Variants in SNAP25 observed in about 807,000 individuals in gnomAD.
SNAP25 encodes the protein synaptosomal-associated protein 25.
A neutral mutation model predicts 28.7 loss-of-function variants in SNAP25; 3 were observed. The ratio of observed to expected loss-of-function variants is 0.10; its 90% CI spans 0.05 to 0.27. The LOEUF (loss-of-function observed/expected upper bound fraction) is 0.27. SNAP25 is among the 10% of genes least tolerant of loss of function. The probability of loss-of-function intolerance (pLI) is 1.00; values close to 1 mark genes in which losing one functional copy is unlikely to be tolerated. For missense variants in SNAP25, 117 were observed against 278.7 expected, an observed-to-expected ratio of 0.42 and a Z score of 4.13; for synonymous variants, 61 against 88.1, an observed-to-expected ratio of 0.69 and a Z score of 1.72.
At chr20:10,220,720 C>A (rs1021965999) in intron 1 of SNAP25, among the ~76,000 whole-genome samples, 3 of 152,152 alleles carry the variant, frequency 2.0e-5, no homozygotes, top group African/African-American at 7.2e-5. Context: ...AGAGTAACAG[C>A]GTCATATGTA....
chr20:10,238,399 T>C (rs1467796173), intron 1 of SNAP25, among the ~76,000 whole-genome samples: 2 of 152,138 alleles, frequency 1.3e-5, no homozygotes, highest in Non-Finnish European at 2.9e-5. Flanking sequence ...CAGCAAGGAC[T>C]AAGAGAGGGA....
At chr20:10,235,632 C>T (rs1335640463) in intron 1 of SNAP25, among the ~76,000 whole-genome samples, 6 of 152,200 alleles carry the variant, frequency 3.9e-5, no homozygotes, top group Non-Finnish European at 8.8e-5. Flanking sequence ...CACCCCAAAA[C>T]TCAGTGGTTT....
At chr20:10,236,637 A>G (rs2122705828) in intron 1 of SNAP25, among the ~76,000 whole-genome samples, 1 of 152,214 alleles carries the variant, frequency 6.6e-6, no homozygotes, top group Non-Finnish European at 1.5e-5. Flanking sequence ...TGGGAACACA[A>G]GGGAGGAGGC....
At chr20:10,281,719 G>A (rs1024574755) in intron 3 of SNAP25, among the ~76,000 whole-genome samples, 2 of 152,090 alleles carry the variant, frequency 1.3e-5, no homozygotes, top group Non-Finnish European at 1.5e-5. Flanking sequence ...TTTTCTTTGA[G>A]AATTCCACAA....
rs746975766 is a variant in SNAP25 at position 10,296,919 on chromosome 20, G to T, written c.282-6G>T. On this transcript the variant is annotated splice_polypyrimidine_tract_variant and splice_region_variant and intron_variant, in intron 5 of 7. Transcript: ENST00000254976. ...TGCCTTGTCACTCACCCTCTCTTTT[G>T]CATAGGCTTAAATCAAGTGATGCTT... 1 of 1,614,040 alleles carries T rather than the reference G, an allele frequency of 6.2e-7. No individual in the cohort carries two copies. The highest frequency in any genetic ancestry group is 2.2e-5 in the East Asian group (1 of 44,884).
chr20:10,284,005 G>A (rs73896513), intron 3 of SNAP25, among the ~76,000 whole-genome samples: 1,710 of 152,128 alleles, frequency 0.011, 29 homozygotes, highest in African/African-American at 0.037. Flanking sequence ...AGACTTCCCC[G>A]GCACAGAAGA....
intron 1 of SNAP25, among the ~76,000 whole-genome samples, chr20:10,224,523 A>G (rs1312032366): frequency 1.3e-5 from 2 of 151,992 alleles, no homozygotes; most frequent in East Asian, 1.9e-4. Flanking sequence ...CAATGAAATC[A>G]GTGCTGAAAA....
chr20:10,250,697 G>C (rs74687226), intron 1 of SNAP25, among the ~76,000 whole-genome samples: 1,627 of 152,246 alleles, frequency 0.011, 32 homozygotes, highest in African/African-American at 0.037. Context: ...GTGCCAAAAA[G>C]CTTCATGAAA....
rs138005979 is a variant in SNAP25, at chr20:10,288,555, G to A, written c.163+3783G>A. On this transcript the variant is annotated intron_variant, in intron 4 of 7. Transcript: ENST00000254976. Reference sequence around the variant, plus strand: ...CAGAATCACCTATGTACTATTCTCCGAGAAACAAAGCAGAATAGAATGTCT... The same window carrying A: ...CAGAATCACCTATGTACTATTCTCCAAGAAACAAAGCAGAATAGAATGTCT... Among the ~76,000 whole-genome samples the A allele has an allele frequency of 2.6e-5, 4 of 152,094 alleles. No individual in the cohort carries two copies. The East Asian group carries it at 5.8e-4, about 22-fold the overall frequency.
At chr20:10,230,151 A>G (rs1306500325) in intron 1 of SNAP25, among the ~76,000 whole-genome samples, 2 of 152,110 alleles carry the variant, frequency 1.3e-5, no homozygotes, top group Non-Finnish European at 2.9e-5. Context: ...CAAGCTTGCT[A>G]TAGGCAGGCA....
chr20:10,255,859 G>A (rs1245219901), intron 1 of SNAP25, among the ~76,000 whole-genome samples: 2 of 152,116 alleles, frequency 1.3e-5, no homozygotes, highest in Non-Finnish European at 2.9e-5. Context: ...ATAATTATAA[G>A]AATAGAAATA....
chr20:10,231,996 C>T (rs576596631), intron 1 of SNAP25, among the ~76,000 whole-genome samples: 18 of 152,146 alleles, frequency 1.2e-4, no homozygotes, highest in Non-Finnish European at 2.2e-4. Context: ...TTGGCTTAAA[C>T]AATCTAAGCA....
intron 1 of SNAP25, among the ~76,000 whole-genome samples, chr20:10,263,783 C>T (rs749504949): frequency 2.0e-4 from 30 of 152,138 alleles, no homozygotes; most frequent in Non-Finnish European, 4.0e-4. Context: ...CCCTAAGGGG[C>T]GGTTCTCCAC....
chr20:10,246,952 A>C lies in SNAP25; in HGVS notation c.-64+27975A>C, dbSNP rs116563342. On this transcript the variant is annotated intron_variant, in intron 1 of 7. Transcript: ENST00000254976. ...TAACTTTCCTGTTTCTCCATTCTTCATGTGTAGAAAAGGGGTGATGATCAT... is the reference window on the plus strand; with the variant it reads ...TAACTTTCCTGTTTCTCCATTCTTCCTGTGTAGAAAAGGGGTGATGATCAT... Among the ~76,000 whole-genome samples the C allele has an allele frequency of 4.1e-3, 626 of 152,226 alleles. 2 individuals carry two copies. The highest frequency in any genetic ancestry group is 0.015 in the African/African-American group (617 of 41,526).
intron 3 of SNAP25, among the ~76,000 whole-genome samples, chr20:10,279,608 G>A (rs566203234): frequency 3.9e-5 from 6 of 152,284 alleles, no homozygotes; most frequent in South Asian, 4.2e-4. Context: ...AAGCCATGTC[G>A]TCCAGTCTTC....
rs1398448611 is a variant in SNAP25, at chr20:10,296,983, G to T, written c.340G>T (p.Ala114Ser). The T allele has an allele frequency of 6.2e-7, 1 of 1,613,446 alleles. No homozygotes were observed. Among genetic ancestry groups the T allele is most frequent in the Non-Finnish European group, 8.5e-7 (1 of 1,179,730 alleles). Reference sequence around the variant, plus strand: ...GGGCAATAATCAGGACGGAGTGGTGGCCAGCCAGCCTGCTCGTGTAGTGGA... The same window carrying T: ...GGGCAATAATCAGGACGGAGTGGTGTCCAGCCAGCCTGCTCGTGTAGTGGA... ...AWGNNQDGVV[A>S]SQPARVVDER... The change falls in exon 6 of 8, where the codon GCC (alanine) becomes TCC (serine). Residue 114 changes from alanine (A) to serine (S), a missense_variant. By Grantham distance (99) the Ala-to-Ser change is moderately conservative (BLOSUM62 1). This residue lies in a region of SNAP25 where 88 missense variants were observed against 206.9 expected (regional missense o/e 0.43). Transcript: ENST00000254976.
chr20:10,249,714 T>G (rs373128328), intron 1 of SNAP25, among the ~76,000 whole-genome samples: 52 of 152,268 alleles, frequency 3.4e-4, no homozygotes, highest in African/African-American at 1.2e-3. Flanking sequence ...ACAGGCTGAC[T>G]GGACTAGAAT....
intron 1 of SNAP25, among the ~76,000 whole-genome samples, chr20:10,253,067 G>T (rs2063259573): frequency 6.6e-6 from 1 of 152,128 alleles, no homozygotes; most frequent in African/African-American, 2.4e-5. Context: ...CATTTCCAAG[G>T]AGCAATGTAG....
At chr20:10,295,943 C>T (rs1302768843) in intron 5 of SNAP25, among the ~76,000 whole-genome samples, 1 of 152,146 alleles carries the variant, frequency 6.6e-6, no homozygotes, top group Non-Finnish European at 1.5e-5. Context: ...CATTACAACC[C>T]CAGGATAGTT....
Sources: allele counts gnomAD v4.1 joint callset (sites outside exome capture counted in the v4.1 genomes callset), GRCh38; gene constraint gnomAD v4.1.1; regional missense constraint gnomAD v4.1.1; transcripts MANE v1.5; gene names NCBI Gene and HGNC (gene_info 2026-07-23, HGNC 2026-07-21).